Variants in TNRC6B observed in about 807,000 individuals in gnomAD.
TNRC6B encodes trinucleotide repeat containing adaptor 6B.
Under a neutral mutation model 203.6 loss-of-function variants are expected in TNRC6B, and 52 were observed. The observed-to-expected ratio is 0.26, with a 90% CI of 0.20 to 0.32. TNRC6B has a LOEUF of 0.32. Among genes scored for constraint, TNRC6B ranks in the 10% least tolerant of loss-of-function variants. The probability of loss-of-function intolerance (pLI) is 1.00; values close to 1 mark genes in which losing one functional copy is unlikely to be tolerated. For synonymous variants in TNRC6B, 838 were observed against 845.7 expected (o/e 0.99, Z 0.16); for missense variants, 1,923 against 2,286.2 (o/e 0.84, Z 3.24).
chr22:40,230,960 A>G (rs1393631258), intron 1 of TNRC6B, among the ~76,000 whole-genome samples: 2 of 152,110 alleles, frequency 1.3e-5, no homozygotes, highest in South Asian at 2.1e-4. Context: ...AGATATTCCT[A>G]CTAGTTATTC....
intron 11 of TNRC6B, among the ~76,000 whole-genome samples, chr22:40,284,827 A>T (rs953047077): frequency 6.6e-6 from 1 of 152,194 alleles, no homozygotes; most frequent in African/African-American, 2.4e-5. Flanking sequence ...GAGAGAACAC[A>T]GTGTTGCATT....
intron 3 of TNRC6B, among the ~76,000 whole-genome samples, chr22:40,126,681 C>T (rs1476926427): frequency 3.3e-5 from 5 of 149,286 alleles, no homozygotes; most frequent in African/African-American, 1.2e-4. Context: ...GCCTCTGCCA[C>T]CCAGGCTCAA....
chr22:40,215,782 G>A (rs2069626730), intron 1 of TNRC6B, among the ~76,000 whole-genome samples: 1 of 152,200 alleles, frequency 6.6e-6, no homozygotes, highest in Admixed American at 6.5e-5. Flanking sequence ...CAATCTGTAT[G>A]TTAAGATGAT....
At chr22:40,222,653 G>A (rs971660754) in intron 1 of TNRC6B, among the ~76,000 whole-genome samples, 1 of 141,282 alleles carries the variant, frequency 7.1e-6, no homozygotes, top group Non-Finnish European at 1.5e-5. Context: ...AAATGCAGTT[G>A]TAAGAAATAA....
chr22:40,131,680 T>A (rs935236075), intron 3 of TNRC6B, among the ~76,000 whole-genome samples: 2 of 152,168 alleles, frequency 1.3e-5, no homozygotes, highest in Non-Finnish European at 2.9e-5. Flanking sequence ...CCACTTAAAG[T>A]GGAGGCAGGA....
chr22:40,152,799 G>A (rs1347797804), intron 3 of TNRC6B, among the ~76,000 whole-genome samples: 3 of 151,596 alleles, frequency 2.0e-5, no homozygotes, highest in Non-Finnish European at 2.9e-5. Flanking sequence ...TAAATATGTG[G>A]GTAAAAAAAA....
chr22:40,247,097 C>G (rs753087355), intron 2 of TNRC6B, among the ~76,000 whole-genome samples: 16 of 152,160 alleles, frequency 1.1e-4, no homozygotes, highest in Non-Finnish European at 2.4e-4. Flanking sequence ...TCTGATCTTA[C>G]CTGTTTCCCC....
chr22:40,221,750 T>TTCCC (rs1271526353), intron 1 of TNRC6B, among the ~76,000 whole-genome samples: 1 of 116,990 alleles, frequency 8.5e-6, no homozygotes, highest in African/African-American at 3.0e-5. Context: ...ACCTTCTTAT[T>TTCCC]GCCCCCCCCC....
At chr22:40,248,563 T>A (rs2070141160) in intron 2 of TNRC6B, among the ~76,000 whole-genome samples, 1 of 152,216 alleles carries the variant, frequency 6.6e-6, no homozygotes, top group Admixed American at 6.5e-5. Context: ...AATATGCCTT[T>A]GATTGGATTC....
Position 40,280,010 on chromosome 22 carries a change from A to G in TNRC6B, c.3278A>G (p.Lys1093Arg), listed in dbSNP as rs1381732962. The change falls in exon 10 of 23, where the codon AAA (lysine) becomes AGA (arginine). Residue 1093 changes from lysine (K) to arginine (R), a missense_variant. Lys to Arg is a conservative substitution (Grantham distance 26, BLOSUM62 2). Transcript: ENST00000454349. ...TACTTTTCAGGAAGCCTTTCAGATA[A>G]AAAATTTGATGTGGACAAGCGAGCG... is the stretch of plus-strand genomic sequence containing the variant. ...MDLSVGSLSD[K>R]KFDVDKRAMN... The G allele has an allele frequency of 6.2e-7, 1 of 1,613,792 alleles. No homozygotes were observed. The highest frequency in any genetic ancestry group is 8.5e-7 in the Non-Finnish European group (1 of 1,179,864).
intron 3 of TNRC6B, among the ~76,000 whole-genome samples, chr22:40,154,333 A>T (rs1255568420): frequency 4.6e-5 from 7 of 150,740 alleles, no homozygotes. Context: ...GCGTGGTGGC[A>T]GGCGCCTGTA....
At chr22:40,257,823 G>C (rs1261355575) in intron 3 of TNRC6B, among the ~76,000 whole-genome samples, 5 of 152,088 alleles carry the variant, frequency 3.3e-5, no homozygotes, top group Admixed American at 2.0e-4. Context: ...AGGAGTTCGA[G>C]ACTAGCCTGG....
rs1247939733 is a variant in TNRC6B, at chr22:40,313,081, A to G, written c.4678+84A>G. On this transcript the variant is annotated intron_variant, in intron 19 of 22. Transcript: ENST00000454349. ...TATAAAGGAAACTGGCATGTATTTCATAAGATATACTCTTACAGAAGTTCA... is the reference window on the plus strand; with the variant it reads ...TATAAAGGAAACTGGCATGTATTTCGTAAGATATACTCTTACAGAAGTTCA... 7 of 1,058,002 alleles carry G rather than the reference A, an allele frequency of 6.6e-6. No homozygotes were observed. The African/African-American group carries it at 9.5e-5, about 14-fold the overall frequency. 65.5% of individuals were successfully genotyped at this position (1,058,002 alleles called of 1,614,324 possible).
chr22:40,299,016 T>TG (rs1043502964), intron 12 of TNRC6B, among the ~76,000 whole-genome samples: 6 of 150,998 alleles, frequency 4.0e-5, no homozygotes, highest in Non-Finnish European at 4.4e-5. Context: ...GGCTCATACT[T>TG]GTAATCACAA....
intron 1 of TNRC6B, among the ~76,000 whole-genome samples, chr22:40,210,348 A>AAC (rs2069545203): frequency 1.3e-5 from 2 of 152,252 alleles, no homozygotes; most frequent in African/African-American, 4.8e-5. Context: ...TGCTCATCCT[A>AAC]ACACCAGGCA....
chr22:40,154,876 TATATATATATATATATATAC>T (rs1195010219), intron 3 of TNRC6B, among the ~76,000 whole-genome samples: 3,772 of 57,820 alleles, frequency 0.065, 166 homozygotes, highest in Non-Finnish European at 0.079. Flanking sequence ...TATATATATA[TATATATATATATATATATAC>T]ATATATATAT....
chr22:40,322,948 G>A lies in TNRC6B; in HGVS notation c.5209G>A (p.Ala1737Thr), dbSNP rs1249468629. The change falls in exon 23 of 23, where the codon GCA (alanine) becomes ACA (threonine). Residue 1737 changes from alanine to threonine, a missense_variant. Around this residue, in one of 8 missense-constraint regions of TNRC6B, gnomAD observed 126 missense variants for 137.5 expected, o/e 0.92. Transcript: ENST00000454349. Reference sequence around the variant, plus strand: ...ACAAGCTCAGCCCCCTACACCTGCAGCAACCCCAAGTGCGCCAGCTGCGGG... The same window carrying A: ...ACAAGCTCAGCCCCCTACACCTGCAACAACCCCAAGTGCGCCAGCTGCGGG... ...LAQAQPPTPAATPSAPAAGWQ... is the reference protein window; with the variant it reads ...LAQAQPPTPATTPSAPAAGWQ... The A allele has an allele frequency of 1.2e-6, 2 of 1,613,498 alleles. No individual in the cohort carries two copies. Among genetic ancestry groups the A allele is most frequent in the Non-Finnish European group, 1.7e-6 (2 of 1,179,712 alleles).
intron 3 of TNRC6B, 139 bp downstream of exon 3, chr22:40,251,339 A>T: frequency 1.6e-6 from 1 of 607,364 alleles, no homozygotes; most frequent in South Asian, 2.5e-5. Context: ...GTCACTGAGG[A>T]GCAGTAATGA....
chr22:40,061,009 A>G (rs575239173), intron 1 of TNRC6B, among the ~76,000 whole-genome samples: 7 of 152,346 alleles, frequency 4.6e-5, no homozygotes, highest in African/African-American at 1.7e-4. Context: ...TTAGATTCCC[A>G]GATGCCACCC....
Sources: allele counts gnomAD v4.1 joint callset (sites outside exome capture counted in the v4.1 genomes callset), GRCh38; gene constraint gnomAD v4.1.1; regional missense constraint gnomAD v4.1.1; transcripts MANE v1.5; gene names NCBI Gene and HGNC (gene_info 2026-07-23, HGNC 2026-07-21).